The following COX20 variants were observed in gnomAD, a reference collection of about 807,000 sequenced individuals.
The protein encoded by COX20 is cytochrome c oxidase assembly protein COX20, mitochondrial.
COX20 carries 14 observed loss-of-function variants against 14.3 expected under a neutral mutation model. The ratio of observed to expected loss-of-function variants is 0.98; its 90% CI spans 0.65 to 1.53. COX20 has a LOEUF of 1.53. COX20 is among the 40% of genes most tolerant of loss of function. The probability of loss-of-function intolerance (pLI) is 0.00; values close to 1 mark genes in which losing one functional copy is unlikely to be tolerated. For synonymous variants in COX20, 56 were observed against 51.7 expected, an observed-to-expected ratio of 1.08 and a Z score of -0.36; for missense variants, 149 against 142.1, an observed-to-expected ratio of 1.05 and a Z score of -0.25.
chr1:244,836,576 C>T, intron 1 of COX20: 2 of 1,442,048 alleles, frequency 1.4e-6, no homozygotes, highest in Non-Finnish European at 1.9e-6. Flanking sequence ...GAGCAGGGAA[C>T]CTAATTTATA....
At chr1:244,842,984 AAATT>A (rs1372903138) in intron 3 of COX20, 53 bp from the exon 4 acceptor site, 5 of 1,278,958 alleles carry the variant, frequency 3.9e-6, no homozygotes, top group African/African-American at 1.6e-5. Context: ...GAAATTTCAT[AAATT>A]AATTTCTGTA....
rs1271314830 is a variant in COX20 at position 244,844,008 on chromosome 1, T to A, written c.*832T>A. On this transcript the variant is annotated 3_prime_UTR_variant, in exon 4 of 4. Coordinates refer to ENST00000411948, the MANE Select transcript of COX20 (RefSeq NM_198076.6). ...TCTGGTTTTAATTCATACAATACTTTAAGAAAATCTGTTAAATATAACAAA... is the reference window on the plus strand; with the variant it reads ...TCTGGTTTTAATTCATACAATACTTAAAGAAAATCTGTTAAATATAACAAA... The A allele has an allele frequency of 6.6e-6, 1 of 152,202 alleles. No homozygotes were observed. The highest frequency in any genetic ancestry group is 1.5e-5 in the Non-Finnish European group (1 of 68,032). The allele number at this position is 152,202 out of a possible 1,614,324, so 9.4% of individuals were successfully genotyped here.
Position 244,844,332 on chromosome 1 carries a change from A to C in COX20, c.*1156A>C, listed in dbSNP as rs1680339065. 1 of 152,212 alleles carries C rather than the reference A, an allele frequency of 6.6e-6. No homozygotes were observed. The highest frequency in any genetic ancestry group is 1.5e-5 in the Non-Finnish European group (1 of 68,032). The allele number at this position is 152,212 out of a possible 1,614,324, so 9.4% of individuals were successfully genotyped here. On this transcript the variant is annotated 3_prime_UTR_variant, in exon 4 of 4. Coordinates refer to ENST00000411948, the MANE Select transcript of COX20 (RefSeq NM_198076.6). ...TACCAAATGCCTTAACTTAGCAGTGAATGACAACTGTCAAACACATGTTGA... is the reference window on the plus strand; with the variant it reads ...TACCAAATGCCTTAACTTAGCAGTGCATGACAACTGTCAAACACATGTTGA...
chr1:244,839,611 A>G (rs1680115587), intron 1 of COX20: 1 of 152,194 alleles, frequency 6.6e-6, no homozygotes, highest in Non-Finnish European at 1.5e-5. Flanking sequence ...TCCTTTATTC[A>G]TCTCCACTTC....
upstream of COX20, chr1:244,835,317 C>T (rs1573305356): frequency 4.7e-5 from 8 of 169,630 alleles, no homozygotes; most frequent in East Asian, 1.1e-3. Context: ...TGCGTGTGAG[C>T]ACGCGCGCCG....
rs1680315266 is a variant in COX20 at position 244,843,863 on chromosome 1, A to G, written c.*687A>G. 1 of 152,218 alleles carries G rather than the reference A, an allele frequency of 6.6e-6. No individual in the cohort carries two copies. The highest frequency in any genetic ancestry group is 2.1e-4 in the South Asian group (1 of 4,832). 9.4% of individuals were successfully genotyped at this position (152,218 alleles called of 1,614,324 possible). On this transcript the variant is annotated 3_prime_UTR_variant, in exon 4 of 4. Transcript: ENST00000411948. ...CTATTAATGTAAACAATCCATTTGA[A>G]AGTCAATCAGCTGCTCCCATTAAAA...
intron 1 of COX20, among the ~76,000 whole-genome samples, chr1:244,839,066 G>A (rs776399070): frequency 6.6e-6 from 1 of 152,256 alleles, no homozygotes; most frequent in African/African-American, 2.4e-5. Context: ...CTGGGATGAC[G>A]GGTGAGCCAC....
intron 1 of COX20, chr1:244,841,268 A>T (rs957613330): frequency 1.3e-5 from 2 of 152,246 alleles, no homozygotes; most frequent in Non-Finnish European, 2.9e-5. Flanking sequence ...GGCAGATCTG[A>T]GATAAAAATC....
In COX20 at chr1:244,843,090, G is replaced by A. The variant is rs1326975776; in HGVS notation, c.271G>A (p.Ala91Thr). ...AAAGCAAAGAATCCAGGAAAGAATTGCCAGAGAAGAAATTAAAAAGAAGAT... is the reference window on the plus strand; with the variant it reads ...AAAGCAAAGAATCCAGGAAAGAATTACCAGAGAAGAAATTAAAAAGAAGAT... Reference protein sequence around the residue: ...YAKQRIQERIAREEIKKKILY... With the variant: ...YAKQRIQERITREEIKKKILY... The change falls in exon 4 of 4, where the codon GCC (alanine) becomes ACC (threonine). Residue 91 changes from alanine (A) to threonine (T), a missense_variant. Ala to Thr is a moderately conservative substitution (Grantham distance 58, BLOSUM62 0). Coordinates refer to ENST00000411948, the MANE Select transcript of COX20 (RefSeq NM_198076.6). 6.3e-7 allele frequency: 1 copy of A among 1,594,782 alleles called. No individual in the cohort carries two copies.
At chr1:244,841,721 A>T (rs1349667092) in intron 1 of COX20, 1 of 472,358 alleles carries the variant, frequency 2.1e-6, no homozygotes, top group African/African-American at 1.9e-5. Flanking sequence ...CCTACTGCTT[A>T]AGGGTTTTCC....
At position 244,841,985 on chromosome 1, in the gene COX20, C is replaced by G; in HGVS notation, c.84C>G (p.Pro28=). 1.2e-6 allele frequency: 2 copies of G among 1,611,158 alleles called. No homozygotes were observed. Among genetic ancestry groups the G allele is most frequent in the South Asian group, 2.2e-5 (2 of 90,872 alleles). The change falls in exon 2 of 4, where the codon CCC becomes CCG. Residue 28 remains proline (P), a synonymous_variant. Coordinates refer to ENST00000411948, the MANE Select transcript of COX20 (RefSeq NM_198076.6). ...GATTTTTAGATGTTGAAAATACTCC[C>G]TGCGCCCGGCATTCAATATTGTATG... ...LLGFLDVENT[P]CARHSILYGS... is the part of the protein sequence containing the mutation.
Position 244,841,985 on chromosome 1 carries a change from C to T in COX20, c.84C>T (p.Pro28=), listed in dbSNP as rs1429922885. Residue 28 remains proline (P), a synonymous_variant, in exon 2 of 4, where the codon CCC becomes CCT. Coordinates refer to ENST00000411948, the MANE Select transcript of COX20 (RefSeq NM_198076.6). The part of the protein sequence containing the change: ...LLGFLDVENT[P]CARHSILYGS... ...GATTTTTAGATGTTGAAAATACTCC[C>T]TGCGCCCGGCATTCAATATTGTATG... 6.2e-7 allele frequency: 1 copy of T among 1,611,040 alleles called. No homozygotes were observed. Among genetic ancestry groups the T allele is most frequent in the African/African-American group, 1.3e-5 (1 of 74,812 alleles).
At chr1:244,836,744 C>T (rs1223733696) in intron 1 of COX20, among the ~76,000 whole-genome samples, 1 of 152,084 alleles carries the variant, frequency 6.6e-6, no homozygotes, top group Non-Finnish European at 1.5e-5. Flanking sequence ...AGATATTCTC[C>T]CAGCTTGGAA....
upstream of COX20, chr1:244,835,635 C>T (rs1187820559): frequency 5.1e-6 from 5 of 980,858 alleles, no homozygotes; most frequent in East Asian, 1.5e-4. Context: ...GGGGGCGGGA[C>T]GGGGAGGGGC....
upstream of COX20, chr1:244,835,648 G>A: frequency 8.4e-7 from 1 of 1,193,380 alleles, no homozygotes; most frequent in Non-Finnish European, 1.1e-6. Context: ...GGAGGGGCGC[G>A]GCCAGCCGGG....
At chr1:244,839,731 T>C (rs779552700) in intron 1 of COX20, 3 of 152,192 alleles carry the variant, frequency 2.0e-5, no homozygotes, top group Non-Finnish European at 4.4e-5. Flanking sequence ...CTGAATCTTA[T>C]TACTCCTTAG....
At chr1:244,836,510 C>G in intron 1 of COX20, 2 of 1,550,410 alleles carry the variant, frequency 1.3e-6, no homozygotes, top group Middle Eastern at 1.7e-4. Context: ...TTACATTTAT[C>G]ATATTGGAAG....
At chr1:244,840,292 A>G (rs1680145975) in intron 1 of COX20, 1 of 152,164 alleles carries the variant, frequency 6.6e-6, no homozygotes, top group African/African-American at 2.4e-5. Context: ...ACTTAATTCT[A>G]TCCTGTGGTA....
intron 1 of COX20, among the ~76,000 whole-genome samples, chr1:244,837,730 G>A (rs1680039215): frequency 6.6e-6 from 1 of 152,192 alleles, no homozygotes; most frequent in African/African-American, 2.4e-5. Context: ...GACTTCTACT[G>A]AGCCAGTCAT....
Sources: gnomAD v4.1 joint callset for allele counts (sites outside exome capture counted in the v4.1 genomes callset) on GRCh38, gnomAD v4.1.1 for gene constraint, MANE v1.5 for transcripts, NCBI Gene and HGNC (gene_info 2026-07-23, HGNC 2026-07-21) for gene names.